The following SPECC1 variants were observed in gnomAD, a reference collection of about 807,000 sequenced individuals.
SPECC1 encodes sperm antigen with calponin homology and coiled-coil domains 1, also known as cytospin-B.
SPECC1 carries 62 observed loss-of-function variants against 104.1 expected under a neutral mutation model. That is an observed-to-expected ratio of 0.60 (90% CI 0.49 to 0.74). The LOEUF (loss-of-function observed/expected upper bound fraction) is 0.74, where lower values mean the gene tolerates loss of function less well. SPECC1 is among the 30% of genes least tolerant of loss of function. SPECC1 has a pLI of 0.00. For missense variants in SPECC1, 1,306 were observed against 1,310.5 expected, an observed-to-expected ratio of 1.00 and a Z score of 0.05; for synonymous variants, 513 against 501.6, an observed-to-expected ratio of 1.02 and a Z score of -0.30.
intron 1 of SPECC1, among the ~76,000 whole-genome samples, chr17:20,058,456 G>A (rs999810348): frequency 1.3e-5 from 2 of 152,088 alleles, no homozygotes; most frequent in Non-Finnish European, 2.9e-5. Context: ...CCCAGGGTTT[G>A]AGACCAGTCT....
intron 6 of SPECC1, 65 bp from the exon 7 acceptor site, chr17:20,232,135 G>C: frequency 1.9e-6 from 3 of 1,584,954 alleles, no homozygotes; most frequent in Non-Finnish European, 2.6e-6. Context: ...GGGGACTCTG[G>C]GGTCCCTGCC....
chr17:20,287,898 T>TCAC (rs892007702), intron 12 of SPECC1, among the ~76,000 whole-genome samples: 1 of 152,124 alleles, frequency 6.6e-6, no homozygotes, highest in Non-Finnish European at 1.5e-5. Context: ...GATCAACCCA[T>TCAC]CACCTAGGTA....
At chr17:20,279,014 C>T (rs1020390511) in intron 12 of SPECC1, among the ~76,000 whole-genome samples, 1 of 152,172 alleles carries the variant, frequency 6.6e-6, no homozygotes, top group African/African-American at 2.4e-5. Context: ...CCAGCAGCTG[C>T]TGCTGCAGCA....
At chr17:20,058,770 G>T (rs1330324066) in intron 1 of SPECC1, among the ~76,000 whole-genome samples, 1 of 151,434 alleles carries the variant, frequency 6.6e-6, no homozygotes, top group Non-Finnish European at 1.5e-5. Context: ...ATTTTTCCGT[G>T]AACTGGGGTG....
intron 3 of SPECC1, among the ~76,000 whole-genome samples, chr17:20,198,412 G>A (rs903653944): frequency 6.6e-6 from 1 of 152,172 alleles, no homozygotes; most frequent in African/African-American, 2.4e-5. Flanking sequence ...GAAAAGTTCA[G>A]GTGGCTGCTC....
intron 3 of SPECC1, among the ~76,000 whole-genome samples, chr17:20,169,526 ATTT>A (rs1210139280): frequency 1.4e-5 from 2 of 146,370 alleles, no homozygotes; most frequent in Non-Finnish European, 3.0e-5. Flanking sequence ...TCCTTTTGGA[ATTT>A]TTTTTTTTTT....
intron 1 of SPECC1, among the ~76,000 whole-genome samples, chr17:20,013,072 T>C (rs2043995925): frequency 6.6e-6 from 1 of 152,250 alleles, no homozygotes; most frequent in Non-Finnish European, 1.5e-5. Context: ...CCATTGAATG[T>C]ATACACCACA....
chr17:20,159,151 G>A (rs952280089), intron 3 of SPECC1, among the ~76,000 whole-genome samples: 1 of 151,940 alleles, frequency 6.6e-6, no homozygotes, highest in Non-Finnish European at 1.5e-5. Flanking sequence ...CACCATGTTG[G>A]CCAGGCTGGT....
At chr17:20,299,146 A>G (rs2142060734) in intron 13 of SPECC1, among the ~76,000 whole-genome samples, 1 of 151,966 alleles carries the variant, frequency 6.6e-6, no homozygotes, top group South Asian at 2.1e-4. Context: ...TTGCTGGTGG[A>G]ATTCCCTCTT....
rs191417664 is a variant in SPECC1 at position 20,048,838 on chromosome 17, G to A, written c.-22+39414G>A. ...ACCCAGGAGGTCGAGGCTGCAGTCA[G>A]CTGAGATCATACCATGGCATTCCAG... On this transcript the variant is annotated intron_variant, in intron 1 of 14. Coordinates refer to ENST00000395527, the MANE Select transcript of SPECC1 (RefSeq NM_001243439.2). Among the ~76,000 whole-genome samples, 51 of 152,102 alleles carry A rather than the reference G, an allele frequency of 3.4e-4. 1 individual carries two copies. Among genetic ancestry groups the A allele is most frequent in the Middle Eastern group, 3.4e-3 (1 of 294 alleles).
chr17:20,238,076 G>A, intron 7 of SPECC1: 1 of 1,025,452 alleles, frequency 9.8e-7, no homozygotes, highest in Non-Finnish European at 1.2e-6. Context: ...CCCTTCACTT[G>A]GAGTCTGACT....
At chr17:20,277,191 C>T (rs996564243) in intron 12 of SPECC1, among the ~76,000 whole-genome samples, 2 of 152,178 alleles carry the variant, frequency 1.3e-5, no homozygotes, top group Non-Finnish European at 2.9e-5. Flanking sequence ...TGCATGGGGA[C>T]ATGCCTGGAC....
At chr17:20,208,155 A>C (rs369303278) in intron 4 of SPECC1, among the ~76,000 whole-genome samples, 1 of 152,254 alleles carries the variant, frequency 6.6e-6, no homozygotes, top group African/African-American at 2.4e-5. Context: ...GTTATTATTC[A>C]TGTATCCTAC....
chr17:20,107,412 C>T (rs2048274988), intron 2 of SPECC1, among the ~76,000 whole-genome samples: 1 of 151,054 alleles, frequency 6.6e-6, no homozygotes, highest in Non-Finnish European at 1.5e-5. Context: ...AGTTCAAGAC[C>T]AGCCTGGGCA....
At chr17:20,284,174 AAC>A (rs1170208398) in intron 12 of SPECC1, among the ~76,000 whole-genome samples, 29 of 152,182 alleles carry the variant, frequency 1.9e-4, no homozygotes, top group Admixed American at 1.9e-3. Flanking sequence ...GGAGAAGGGA[AAC>A]TCCTGCAGTG....
At chr17:20,257,246 G>T (rs2039865078) in intron 10 of SPECC1, among the ~76,000 whole-genome samples, 1 of 152,218 alleles carries the variant, frequency 6.6e-6, no homozygotes, top group Admixed American at 6.5e-5. Flanking sequence ...TGAGCAGGAG[G>T]TTGATTTGGT....
At chr17:20,272,361 C>T (rs140259820) in intron 12 of SPECC1, among the ~76,000 whole-genome samples, 279 of 150,920 alleles carry the variant, frequency 1.8e-3, no homozygotes, top group Middle Eastern at 6.8e-3. Context: ...GCTTTTGCAT[C>T]ATTTCAATTG....
chr17:20,174,456 G>GT (rs2034319402), intron 3 of SPECC1, among the ~76,000 whole-genome samples: 1 of 152,110 alleles, frequency 6.6e-6, no homozygotes. Context: ...TCTGGGAACA[G>GT]TACCAATGAG....
At chr17:20,086,212 G>A (rs761461069) in intron 1 of SPECC1, among the ~76,000 whole-genome samples, 2 of 151,912 alleles carry the variant, frequency 1.3e-5, no homozygotes, top group Non-Finnish European at 2.9e-5. Context: ...TCTTCAGCAC[G>A]CCCCAGAAGC....
Sources: allele counts gnomAD v4.1 joint callset (sites outside exome capture counted in the v4.1 genomes callset), GRCh38; gene constraint gnomAD v4.1.1; transcripts MANE v1.5; gene names NCBI Gene and HGNC (gene_info 2026-07-23, HGNC 2026-07-21).